Variants in DCTN2 observed in about 807,000 individuals in gnomAD.
The protein encoded by DCTN2 is 50 kDa dynein-associated polypeptide.
A neutral mutation model predicts 55.4 loss-of-function variants in DCTN2; 18 were observed. That is an observed-to-expected ratio of 0.32 (90% CI 0.22 to 0.48). The LOEUF (loss-of-function observed/expected upper bound fraction) is 0.48, where lower values mean the gene tolerates loss of function less well. Among genes scored for constraint, DCTN2 ranks in the 20% least tolerant of loss-of-function variants. The pLI is 0.99. For missense variants in DCTN2, 390 were observed against 491.0 expected (o/e 0.79, Z 1.94); for synonymous variants, 168 against 185.2 (o/e 0.91, Z 0.76).
intron 2 of DCTN2, chr12:57,538,556 A>G (rs376967564): frequency 4.4e-5 from 33 of 751,010 alleles, no homozygotes; most frequent in Non-Finnish European, 7.3e-5. Context: ...AGAAAATCAA[A>G]AGAGTTAAAA....
intron 2 of DCTN2, chr12:57,543,127 ATCACGAGG>A: frequency 2.3e-6 from 1 of 428,188 alleles, no homozygotes; most frequent in South Asian, 1.7e-5. Context: ...AGACAGGCGG[ATCACGAGG>A]TCAGGAGATC....
intron 2 of DCTN2, chr12:57,543,274 G>A (rs1192157559): frequency 2.4e-5 from 8 of 331,198 alleles, no homozygotes; most frequent in African/African-American, 4.3e-5. Context: ...GCGTGAACCC[G>A]GGAGGTGGAG....
At chr12:57,546,147 CACCCCT>C in intron 1 of DCTN2, 51 bp from the exon 2 acceptor site, 1 of 1,530,274 alleles carries the variant, frequency 6.5e-7, no homozygotes, top group Non-Finnish European at 9.1e-7. Flanking sequence ...CATCCAACAA[CACCCCT>C]TCCCCCACTC....
chr12:57,543,206 G>A (rs1425480350), intron 2 of DCTN2: 18 of 360,962 alleles, frequency 5.0e-5, no homozygotes, highest in African/African-American at 8.6e-5. Context: ...AAAATTAGCC[G>A]GGTGTGGTGG....
chr12:57,546,109 G>A lies in DCTN2; in HGVS notation c.37-13C>T. ...GCTCATTCCTGGCCTGCAGGTAGAA[G>A]CAGTGACCACCCAACCTCACTACCC... On this transcript the variant is annotated splice_polypyrimidine_tract_variant and intron_variant, in intron 1 of 13. Transcript: ENST00000548249. The A allele has an allele frequency of 6.2e-7, 1 of 1,613,736 alleles. No homozygotes were observed. Among genetic ancestry groups the A allele is most frequent in the Non-Finnish European group, 8.5e-7 (1 of 1,179,710 alleles).
At chr12:57,541,439 C>A in intron 2 of DCTN2, 1 of 1,518,122 alleles carries the variant, frequency 6.6e-7, no homozygotes, top group South Asian at 1.1e-5. Context: ...CAGGTAAGTT[C>A]AAGTGCGCCA....
Position 57,530,525 on chromosome 12 carries a change from T to G in DCTN2, c.*164A>C. The G allele has an allele frequency of 1.7e-6, 1 of 587,664 alleles. No individual in the cohort carries two copies. Among genetic ancestry groups the G allele is most frequent in the Non-Finnish European group, 3.0e-6 (1 of 335,806 alleles). 36.4% of individuals were successfully genotyped at this position (587,664 alleles called of 1,614,324 possible). On this transcript the variant is annotated 3_prime_UTR_variant, in exon 14 of 14. Transcript: ENST00000548249. ...CCAACCCCTAGCTACCACTCTGTAT[T>G]CATCAGGGGAGGGGTATAAACCCCA...
intron 2 of DCTN2, among the ~76,000 whole-genome samples, chr12:57,539,621 T>C (rs1880528695): frequency 6.6e-6 from 1 of 152,152 alleles, no homozygotes; most frequent in Admixed American, 6.5e-5. Context: ...TGTATGCATA[T>C]GAAAAACCAT....
At chr12:57,538,870 T>G (rs1880463648) in intron 2 of DCTN2, among the ~76,000 whole-genome samples, 1 of 152,170 alleles carries the variant, frequency 6.6e-6, no homozygotes, top group South Asian at 2.1e-4. Context: ...TGGCATGGAA[T>G]AAGAAACTGG....
chr12:57,533,770 CAA>C (rs34012531), intron 7 of DCTN2, among the ~76,000 whole-genome samples, 181 bp downstream of exon 7: 12,355 of 124,792 alleles, frequency 0.099, 1,627 homozygotes, highest in African/African-American at 0.32. Flanking sequence ...GACTCCGTCT[CAA>C]AAAAAAAAAA....
At chr12:57,539,649 G>C (rs1646251605) in intron 2 of DCTN2, among the ~76,000 whole-genome samples, 1 of 152,154 alleles carries the variant, frequency 6.6e-6, no homozygotes, top group Admixed American at 6.5e-5. Context: ...TTAAAAACAA[G>C]TGCTTCCTTT....
chr12:57,542,858 C>T (rs1251416124), intron 2 of DCTN2: 1 of 455,806 alleles, frequency 2.2e-6, no homozygotes, highest in East Asian at 7.0e-5. Context: ...TGAAAGGTTC[C>T]ACAAGAGTCT....
At chr12:57,532,537 G>T in intron 11 of DCTN2, 35 bp downstream of exon 11, 2 of 1,605,272 alleles carry the variant, frequency 1.2e-6, no homozygotes, top group Non-Finnish European at 1.7e-6. Flanking sequence ...GAACCTGAGG[G>T]AGTGGAAAGG....
chr12:57,540,359 AG>A (rs1216914291), intron 2 of DCTN2, among the ~76,000 whole-genome samples: 2 of 152,248 alleles, frequency 1.3e-5, no homozygotes, highest in African/African-American at 4.8e-5. Context: ...GTTTGCAGAT[AG>A]TATATACCAC....
At chr12:57,532,701 A>G (rs756484800) in intron 10 of DCTN2, 32 bp downstream of exon 10, 1 of 1,613,684 alleles carries the variant, frequency 6.2e-7, no homozygotes, top group Non-Finnish European at 8.5e-7. Flanking sequence ...GTCCCAAGCT[A>G]TCCATAATTT....
intron 2 of DCTN2, 94 bp downstream of exon 2, chr12:57,545,934 C>CAA: frequency 1.5e-6 from 2 of 1,353,170 alleles, no homozygotes; most frequent in East Asian, 4.6e-5. Context: ...TTGGCATACC[C>CAA]GCTTATTGCT....
rs1594882322 is a variant in DCTN2, at chr12:57,533,831, C to A, written c.669+122G>T. 4.6e-5 allele frequency: 46 copies of A among 1,010,482 alleles called. No individual in the cohort carries two copies. In the East Asian group the frequency reaches 1.2e-3, roughly 26 times the overall value. The allele number at this position is 1,010,482 out of a possible 1,614,324, so 62.6% of individuals were successfully genotyped here. On this transcript the variant is annotated intron_variant, in intron 7 of 13. Transcript: ENST00000548249. Reference sequence around the variant, plus strand: ...ACGAATCAGGAATCAAAAGAGGAATCAATCAAGAGGAATCAGAGGAATCAG... The same window carrying A: ...ACGAATCAGGAATCAAAAGAGGAATAAATCAAGAGGAATCAGAGGAATCAG...
At chr12:57,532,892 T>C (rs1879870866) in intron 9 of DCTN2, 82 bp from the exon 10 acceptor site, 2 of 1,596,310 alleles carry the variant, frequency 1.3e-6, no homozygotes, top group Non-Finnish European at 1.7e-6. Context: ...TAAATTAATA[T>C]ATAGCTACAA....
In DCTN2 at chr12:57,533,213, G is replaced by A. The variant is rs373346070; in HGVS notation, c.735+25C>T. The stretch of plus-strand genomic sequence containing the variant: ...CTAGAGTTGCAGGATCTAAGGCTCA[G>A]ATTATGTACAGGAGAACACCTGACC... On this transcript the variant is annotated intron_variant, in intron 8 of 13. Coordinates refer to ENST00000548249, the MANE Select transcript of DCTN2 (RefSeq NM_001261413.2). The A allele has an allele frequency of 1.9e-6, 3 of 1,612,264 alleles. No homozygotes were observed. In the African/African-American group the frequency reaches 4.0e-5, roughly 22 times the overall value.
Sources: gnomAD v4.1 joint callset for allele counts (sites outside exome capture counted in the v4.1 genomes callset) on GRCh38, gnomAD v4.1.1 for gene constraint, MANE v1.5 for transcripts, NCBI Gene and HGNC (gene_info 2026-07-23, HGNC 2026-07-21) for gene names.